The following MAML2 variants were observed in gnomAD, a reference collection of about 807,000 sequenced individuals.
The protein encoded by MAML2 is mastermind-like protein 2.
Under a neutral mutation model 96.1 loss-of-function variants are expected in MAML2, and 22 were observed. The ratio of observed to expected loss-of-function variants is 0.23; its 90% CI spans 0.16 to 0.33. The LOEUF is 0.33. Ranked by LOEUF, MAML2 falls within the 10% of genes least tolerant of loss-of-function variation. The probability of loss-of-function intolerance (pLI) is 1.00; values close to 1 mark genes in which losing one functional copy is unlikely to be tolerated. For synonymous variants in MAML2, 561 were observed against 521.3 expected, an observed-to-expected ratio of 1.08 and a Z score of -1.04; for missense variants, 1,367 against 1,392.4, an observed-to-expected ratio of 0.98 and a Z score of 0.29.
chr11:96,089,511 G>A (rs1859671140), intron 2 of MAML2, among the ~76,000 whole-genome samples: 1 of 152,076 alleles, frequency 6.6e-6, no homozygotes, highest in South Asian at 2.1e-4. Flanking sequence ...TTACTGTGTT[G>A]GTAATAATCT....
At chr11:96,254,870 G>A (rs574498037) in intron 1 of MAML2, among the ~76,000 whole-genome samples, 34 of 152,198 alleles carry the variant, frequency 2.2e-4, no homozygotes, top group Admixed American at 5.9e-4. Context: ...ACCCAGGCTG[G>A]AGTGCATGGC....
At chr11:96,217,268 T>G (rs570984761) in intron 1 of MAML2, among the ~76,000 whole-genome samples, 1 of 152,268 alleles carries the variant, frequency 6.6e-6, no homozygotes, top group South Asian at 2.1e-4. Context: ...AGAATGCCAC[T>G]CCTGTGCATT....
intron 1 of MAML2, among the ~76,000 whole-genome samples, chr11:96,233,305 A>G (rs1862321835): frequency 6.6e-6 from 1 of 152,218 alleles, no homozygotes; most frequent in Non-Finnish European, 1.5e-5. Context: ...TCTAAAAAAC[A>G]ATCTTCACAG....
In MAML2 at chr11:96,204,834, T is replaced by C. The variant is rs1861874451; in HGVS notation, c.514-111317A>G. Among the ~76,000 whole-genome samples the C allele has an allele frequency of 2.0e-5, 3 of 152,204 alleles. No homozygotes were observed. In the South Asian group the frequency reaches 6.2e-4, roughly 31 times the overall value. On this transcript the variant is annotated intron_variant, in intron 1 of 4. Transcript: ENST00000524717. ...AGGTGTAACATGTTTTCGATGTAAT[T>C]TTAGGTGCACCTAAATTAAATTAGT...
At chr11:96,030,230 C>A (rs1386363383) in intron 2 of MAML2, among the ~76,000 whole-genome samples, 16 of 147,976 alleles carry the variant, frequency 1.1e-4, no homozygotes, top group African/African-American at 3.7e-4. Flanking sequence ...AGTGAGACTC[C>A]ATAAAAAAAA....
intron 1 of MAML2, among the ~76,000 whole-genome samples, chr11:96,143,645 G>T (rs1279106740): frequency 1.3e-5 from 2 of 152,152 alleles, no homozygotes; most frequent in African/African-American, 4.8e-5. Flanking sequence ...TAAATTGGAA[G>T]ATTATTATCC....
intron 1 of MAML2, among the ~76,000 whole-genome samples, chr11:96,219,316 C>A (rs1252439385): frequency 6.6e-6 from 1 of 152,190 alleles, no homozygotes; most frequent in East Asian, 1.9e-4. Flanking sequence ...CTTTCGGATT[C>A]TTCAAAAACC....
At chr11:96,164,035 T>TG (rs377289188) in intron 1 of MAML2, among the ~76,000 whole-genome samples, 2 of 150,938 alleles carry the variant, frequency 1.3e-5, no homozygotes, top group Admixed American at 6.6e-5. Context: ...TATTTTTTTT[T>TG]GTTTTTTTTT....
At chr11:96,208,700 G>A (rs1861927548) in intron 1 of MAML2, among the ~76,000 whole-genome samples, 1 of 151,852 alleles carries the variant, frequency 6.6e-6, no homozygotes, top group Admixed American at 6.5e-5. Context: ...CACCAGCAAT[G>A]GATCCAAACC....
intron 1 of MAML2, among the ~76,000 whole-genome samples, chr11:96,246,707 A>C (rs1862516670): frequency 2.6e-5 from 4 of 152,158 alleles, no homozygotes; most frequent in African/African-American, 7.2e-5. Context: ...CCACATGCAC[A>C]GTAGAGACAG....
chr11:95,994,563 G>A (rs1857962278), intron 2 of MAML2, among the ~76,000 whole-genome samples: 1 of 152,102 alleles, frequency 6.6e-6, no homozygotes, highest in East Asian at 1.9e-4. Flanking sequence ...GGGAAGCAGA[G>A]CCTGTGACAG....
chr11:96,283,595 T>A (rs1240480663), intron 1 of MAML2, among the ~76,000 whole-genome samples: 1 of 152,222 alleles, frequency 6.6e-6, no homozygotes, highest in African/African-American at 2.4e-5. Flanking sequence ...ATGTGAGAAA[T>A]GTATCTGGGG....
chr11:96,132,814 T>TA (rs1860568007), intron 1 of MAML2, among the ~76,000 whole-genome samples: 1 of 152,230 alleles, frequency 6.6e-6, no homozygotes, highest in African/African-American at 2.4e-5. Flanking sequence ...TGCTGTATGT[T>TA]ACAGTTCTCA....
chr11:96,297,528 T>G (rs186576121), intron 1 of MAML2, among the ~76,000 whole-genome samples: 19 of 152,118 alleles, frequency 1.2e-4, no homozygotes, highest in Non-Finnish European at 2.5e-4. Context: ...TGAGCCGAGA[T>G]CACGCCACTG....
intron 1 of MAML2, among the ~76,000 whole-genome samples, chr11:96,128,332 T>A (rs1422205287): frequency 6.6e-6 from 1 of 151,968 alleles, no homozygotes; most frequent in East Asian, 1.9e-4. Context: ...AGGCGGAGGT[T>A]GCAGTGAGCC....
chr11:96,312,241 A>AAAAAAAAAAAAATAC, intron 1 of MAML2, among the ~76,000 whole-genome samples: 1 of 150,858 alleles, frequency 6.6e-6, no homozygotes, highest in Non-Finnish European at 1.5e-5. Context: ...AAAAAAAAAA[A>AAAAAAAAAAAAATAC]AAAGAATGAG....
intron 1 of MAML2, among the ~76,000 whole-genome samples, chr11:96,155,367 C>A (rs1001447370): frequency 8.6e-5 from 13 of 151,372 alleles, no homozygotes; most frequent in Non-Finnish European, 1.2e-4. Context: ...TTTAGTTCCA[C>A]CCTGCCTTCT....
intron 1 of MAML2, among the ~76,000 whole-genome samples, chr11:96,288,262 T>C (rs187897287): frequency 6.6e-6 from 1 of 152,276 alleles, no homozygotes; most frequent in Admixed American, 6.5e-5. Context: ...ATTATGTTAA[T>C]TGGCTACTAT....
chr11:96,181,740 C>T (rs1013917452), intron 1 of MAML2, among the ~76,000 whole-genome samples: 82 of 113,338 alleles, frequency 7.2e-4, no homozygotes, highest in African/African-American at 2.8e-3. Flanking sequence ...CATCATATCC[C>T]AAACTGAAAA....
Sources: allele counts gnomAD v4.1 joint callset (sites outside exome capture counted in the v4.1 genomes callset), GRCh38; gene constraint gnomAD v4.1.1; transcripts MANE v1.5; gene names NCBI Gene and HGNC (gene_info 2026-07-23, HGNC 2026-07-21).